Variants in FGF14 observed in about 807,000 individuals in gnomAD.
FGF14 encodes fibroblast growth factor 14.
In FGF14, 5 loss-of-function variants were observed where a neutral mutation model predicts 25.5. That is an observed-to-expected ratio of 0.20 (90% CI 0.10 to 0.41). The LOEUF is 0.41. Ranked by LOEUF, FGF14 falls within the 10% of genes least tolerant of loss-of-function variation. FGF14 has a pLI of 1.00. For missense variants in FGF14, 222 were observed against 320.1 expected, an observed-to-expected ratio of 0.69 and a Z score of 2.34; for synonymous variants, 138 against 118.3, an observed-to-expected ratio of 1.17 and a Z score of -1.08.
In FGF14 at chr13:101,717,588, T is replaced by TATCA. The variant is rs1383906764; in HGVS notation, c.*5239_*5242dup. The TATCA allele has an allele frequency of 6.6e-6, 1 of 152,180 alleles. No individual in the cohort carries two copies. The highest frequency in any genetic ancestry group is 1.9e-4 in the East Asian group (1 of 5,182). The allele number at this position is 152,180 out of a possible 1,614,324, so 9.4% of individuals were successfully genotyped here. A position where few individuals can be genotyped will look rare whatever the true frequency, so the allele number is the denominator to read the frequency against. On this transcript the variant is annotated 3_prime_UTR_variant, in exon 5 of 5. Coordinates refer to ENST00000376143, the MANE Select transcript of FGF14 (RefSeq NM_004115.4). ...AATACAAATGACCTTTGGATTTCTC[T>TATCA]ATCACGGCGCTTATCCTCCTATTAA... is the stretch of plus-strand genomic sequence containing the variant.
At chr13:102,027,138 TAGTAAG>T (rs1316223000) in intron 1 of FGF14, among the ~76,000 whole-genome samples, 1 of 151,970 alleles carries the variant, frequency 6.6e-6, no homozygotes, top group East Asian at 1.9e-4. Flanking sequence ...TCAAACTTTC[TAGTAAG>T]AGTAATTGGC....
At chr13:101,751,409 A>T (rs2037264952) in intron 3 of FGF14, among the ~76,000 whole-genome samples, 1 of 152,154 alleles carries the variant, frequency 6.6e-6, no homozygotes, top group African/African-American at 2.4e-5. Context: ...AATTTGACTC[A>T]GGGTGGAGGA....
intron 1 of FGF14, among the ~76,000 whole-genome samples, chr13:102,276,647 G>A (rs1352651582): frequency 6.6e-6 from 1 of 152,044 alleles, no homozygotes; most frequent in Admixed American, 6.6e-5. Flanking sequence ...ACGGTATGCA[G>A]TCTTCTTTCT....
intron 1 of FGF14, among the ~76,000 whole-genome samples, chr13:102,204,499 G>A (rs552808919): frequency 1.3e-5 from 2 of 152,182 alleles, no homozygotes; most frequent in South Asian, 4.2e-4. Context: ...GTTGGTGCAG[G>A]TTCAAACATT....
intron 3 of FGF14, among the ~76,000 whole-genome samples, chr13:101,799,122 G>T (rs1406216459): frequency 9.2e-5 from 14 of 152,040 alleles, no homozygotes. Flanking sequence ...GTACACAATT[G>T]TTCAACATCT....
intron 1 of FGF14, among the ~76,000 whole-genome samples, chr13:102,253,494 T>C (rs2052294330): frequency 6.6e-6 from 1 of 152,264 alleles, no homozygotes; most frequent in Admixed American, 6.5e-5. Flanking sequence ...GTTCATATCC[T>C]TCGCCCACTT....
At chr13:102,149,277 G>A (rs1016590809) in intron 1 of FGF14, among the ~76,000 whole-genome samples, 2 of 151,998 alleles carry the variant, frequency 1.3e-5, no homozygotes, top group Non-Finnish European at 1.5e-5. Flanking sequence ...CTCTTATGGC[G>A]AATTCTAAGA....
chr13:102,190,403 G>T (rs913580953), intron 1 of FGF14, among the ~76,000 whole-genome samples: 2 of 152,174 alleles, frequency 1.3e-5, no homozygotes, highest in African/African-American at 4.8e-5. Context: ...GAAAATTTTT[G>T]ATTGTCACAA....
intron 1 of FGF14, among the ~76,000 whole-genome samples, chr13:101,931,445 G>A (rs146807091): frequency 6.6e-6 from 1 of 152,240 alleles, no homozygotes; most frequent in East Asian, 1.9e-4. Context: ...ACAACACCAA[G>A]AGACTTCACA....
At chr13:101,910,103 GT>G (rs1002831556) in intron 1 of FGF14, among the ~76,000 whole-genome samples, 3 of 149,506 alleles carry the variant, frequency 2.0e-5, no homozygotes, top group Non-Finnish European at 4.5e-5. Context: ...TGGGGTGGGG[GT>G]AGGGGGGAGG....
chr13:101,964,384 T>C (rs536936023), intron 1 of FGF14, among the ~76,000 whole-genome samples: 33 of 152,244 alleles, frequency 2.2e-4, no homozygotes, highest in Non-Finnish European at 4.3e-4. Flanking sequence ...TGATGTTTAA[T>C]GAAAACTTGC....
At chr13:102,183,079 G>A (rs1430328366) in intron 1 of FGF14, among the ~76,000 whole-genome samples, 2 of 152,072 alleles carry the variant, frequency 1.3e-5, no homozygotes, top group African/African-American at 4.8e-5. Context: ...GACATTGCCT[G>A]GCTGCAGGCA....
chr13:101,883,012 C>T (rs867621896), intron 1 of FGF14, among the ~76,000 whole-genome samples: 4 of 151,118 alleles, frequency 2.6e-5, no homozygotes, highest in African/African-American at 9.7e-5. Flanking sequence ...TTCAGAGATA[C>T]GATACCTATG....
intron 1 of FGF14, among the ~76,000 whole-genome samples, chr13:102,087,480 C>T (rs2043968844): frequency 1.6e-5 from 2 of 126,796 alleles, no homozygotes; most frequent in Admixed American, 9.6e-5. Flanking sequence ...GGCGTGATCT[C>T]GGCTCATTGC....
intron 3 of FGF14, among the ~76,000 whole-genome samples, chr13:101,859,962 T>C (rs2044326090): frequency 6.6e-6 from 1 of 152,094 alleles, no homozygotes; most frequent in Admixed American, 6.6e-5. Flanking sequence ...ATTGTTTTTT[T>C]TTAATCTAAA....
intron 3 of FGF14, among the ~76,000 whole-genome samples, chr13:101,743,387 G>A (rs2036678004): frequency 6.6e-6 from 1 of 152,078 alleles, no homozygotes; most frequent in South Asian, 2.1e-4. Flanking sequence ...GGGAACATAA[G>A]CTTGTTGTTT....
intron 1 of FGF14, among the ~76,000 whole-genome samples, chr13:102,124,638 T>A (rs1245141694): frequency 6.6e-6 from 1 of 152,090 alleles, no homozygotes; most frequent in Non-Finnish European, 1.5e-5. Context: ...AGTCCTCTGA[T>A]GGGCCAGATG....
Position 101,804,378 on chromosome 13 carries a change from T to C in FGF14, c.408+64347A>G, listed in dbSNP as rs191882541. 1.8e-3 allele frequency among the ~76,000 whole-genome samples: 273 copies of C among 150,550 alleles called. 1 individual carries two copies. The highest frequency in any genetic ancestry group is 6.3e-3 in the African/African-American group (261 of 41,454). ...ATGCATCCCAAAGGAATTCTGGAAATTTGTTGGTGTGTAAAGGTAAGTACT... is the reference window on the plus strand; with the variant it reads ...ATGCATCCCAAAGGAATTCTGGAAACTTGTTGGTGTGTAAAGGTAAGTACT... On this transcript the variant is annotated intron_variant, in intron 3 of 4. Transcript: ENST00000376143.
chr13:102,335,189 GC>G (rs1221662068), intron 1 of FGF14, among the ~76,000 whole-genome samples: 7 of 152,084 alleles, frequency 4.6e-5, no homozygotes, highest in African/African-American at 1.4e-4. Context: ...GTTTTACTTG[GC>G]CCAATCTCTG....
Sources: allele counts gnomAD v4.1 joint callset (sites outside exome capture counted in the v4.1 genomes callset), GRCh38; gene constraint gnomAD v4.1.1; transcripts MANE v1.5; gene names NCBI Gene and HGNC (gene_info 2026-07-23, HGNC 2026-07-21).